COX10: variants seen among roughly 807,000 people sequenced by gnomAD.
COX10 encodes the protein protoheme IX farnesyltransferase, mitochondrial.
COX10 carries 27 observed loss-of-function variants against 37.3 expected under a neutral mutation model. The ratio of observed to expected loss-of-function variants is 0.72; its 90% confidence interval spans 0.53 to 1.00. The LOEUF is 1.00. COX10 is among the 50% of genes least tolerant of loss of function. COX10 has a pLI of 0.00. For missense variants in COX10, 475 were observed against 563.2 expected (o/e 0.84, Z 1.59); for synonymous variants, 222 against 229.1 (o/e 0.97, Z 0.28).
Position 14,207,390 on chromosome 17 carries a change from A to C in COX10, c.*177A>C. 2 of 800,856 alleles carry C rather than the reference A, an allele frequency of 2.5e-6. No individual in the cohort carries two copies. The highest frequency in any genetic ancestry group is 2.7e-5 in the East Asian group (1 of 36,576). 49.6% of individuals were successfully genotyped at this position (800,856 alleles called of 1,614,324 possible). The stretch of plus-strand genomic sequence containing the variant: ...TAAATATTACCCAAAATGCTCCCCA[A>C]ATAAGAAATGCATCAGCTCAGTCAG... On this transcript the variant is annotated 3_prime_UTR_variant, in exon 7 of 7. Transcript: ENST00000261643.
At chr17:14,109,746 T>TGGTA (rs1276285649) in intron 4 of COX10, among the ~76,000 whole-genome samples, 1 of 152,148 alleles carries the variant, frequency 6.6e-6, no homozygotes, top group Non-Finnish European at 1.5e-5. Flanking sequence ...CCAGGTTAAC[T>TGGTA]GCTGACATCC....
intron 5 of COX10, among the ~76,000 whole-genome samples, chr17:14,183,026 CAA>C (rs1905913691): frequency 6.6e-6 from 1 of 151,222 alleles, no homozygotes; most frequent in African/African-American, 2.4e-5. Context: ...GTAAACAAAA[CAA>C]TGTTATATTT....
intron 4 of COX10, among the ~76,000 whole-genome samples, chr17:14,148,444 C>T (rs1904795065): frequency 6.6e-6 from 1 of 152,054 alleles, no homozygotes; most frequent in African/African-American, 2.4e-5. Context: ...TTTTAACATC[C>T]CTTTTAACTT....
At chr17:14,142,109 T>C (rs1296528070) in intron 4 of COX10, among the ~76,000 whole-genome samples, 2 of 152,188 alleles carry the variant, frequency 1.3e-5, no homozygotes, top group Admixed American at 1.3e-4. Context: ...AGCGCCTCTT[T>C]ATTAGAAAAC....
intron 3 of COX10, among the ~76,000 whole-genome samples, chr17:14,094,544 C>T (rs1321769233): frequency 1.4e-5 from 2 of 144,052 alleles, no homozygotes; most frequent in Non-Finnish European, 3.1e-5. Context: ...AAGTGCTTTG[C>T]AAATGTAAGT....
At chr17:14,078,343 T>C (rs189045043) in intron 3 of COX10, among the ~76,000 whole-genome samples, 53 of 152,298 alleles carry the variant, frequency 3.5e-4, no homozygotes, top group African/African-American at 1.3e-3. Flanking sequence ...ATGTGGCCTC[T>C]GTCAACAGCA....
At chr17:14,092,194 A>G (rs770905692) in intron 3 of COX10, among the ~76,000 whole-genome samples, 1 of 152,126 alleles carries the variant, frequency 6.6e-6, no homozygotes, top group Non-Finnish European at 1.5e-5. Context: ...GCTTTTATTT[A>G]TGTATTTATC....
intron 6 of COX10, among the ~76,000 whole-genome samples, chr17:14,192,794 A>G (rs1287847042): frequency 2.0e-5 from 3 of 152,128 alleles, no homozygotes; most frequent in Non-Finnish European, 4.4e-5. Flanking sequence ...AAAATAGCTC[A>G]TTTTTACCAT....
At chr17:14,174,486 G>T (rs1195452297) in intron 5 of COX10, among the ~76,000 whole-genome samples, 1 of 145,460 alleles carries the variant, frequency 6.9e-6, no homozygotes, top group African/African-American at 2.5e-5. Flanking sequence ...GTGCGTGAAA[G>T]ATTTAAATAG....
chr17:14,086,055 T>C (rs1915402536), intron 3 of COX10, among the ~76,000 whole-genome samples: 1 of 152,208 alleles, frequency 6.6e-6, no homozygotes, highest in South Asian at 2.1e-4. Flanking sequence ...TTATTGTTTG[T>C]AAGGATTCTT....
chr17:14,092,790 T>G (rs1267277311), intron 3 of COX10, among the ~76,000 whole-genome samples: 1 of 152,150 alleles, frequency 6.6e-6, no homozygotes, highest in African/African-American at 2.4e-5. Context: ...TAGTAAAAAG[T>G]ACACTCTCAT....
At chr17:14,176,989 A>G (rs1292246158) in intron 5 of COX10, 3 of 353,428 alleles carry the variant, frequency 8.5e-6, no homozygotes, top group African/African-American at 2.1e-5. Context: ...CAAAGGGGAA[A>G]ATGTTTATAG....
chr17:14,159,828 G>T (rs762128926), intron 4 of COX10, 49 bp from the exon 5 acceptor site: 17 of 1,418,586 alleles, frequency 1.2e-5, no homozygotes, highest in Admixed American at 5.4e-5. Flanking sequence ...CGGAAGAAAA[G>T]AATTGTTTTA....
rs1056781396 is a variant in COX10, at chr17:14,206,759, C to T, written c.929-51C>T. 5.6e-6 allele frequency: 9 copies of T among 1,609,266 alleles called. No homozygotes were observed. The Admixed American group carries it at 1.3e-4, about 24-fold the overall frequency. On this transcript the variant is annotated intron_variant, in intron 6 of 6. Transcript: ENST00000261643. ...GGAGAGGAAACCATTCTTTGGAAATCTCTGGTGATGACTGCCTTTGTCTCC... is the reference window on the plus strand; with the variant it reads ...GGAGAGGAAACCATTCTTTGGAAATTTCTGGTGATGACTGCCTTTGTCTCC...
At chr17:14,074,889 G>A (rs1343547401) in intron 2 of COX10, among the ~76,000 whole-genome samples, 1 of 152,164 alleles carries the variant, frequency 6.6e-6, no homozygotes, top group Non-Finnish European at 1.5e-5. Flanking sequence ...GCACTTCTGA[G>A]TAAATTCAAA....
At chr17:14,132,015 C>T (rs923763179) in intron 4 of COX10, among the ~76,000 whole-genome samples, 1 of 151,906 alleles carries the variant, frequency 6.6e-6, no homozygotes, top group Admixed American at 6.6e-5. Context: ...TCATATATAT[C>T]TTCCTTTAAA....
At chr17:14,143,349 G>A (rs1034170894) in intron 4 of COX10, among the ~76,000 whole-genome samples, 2 of 151,896 alleles carry the variant, frequency 1.3e-5, no homozygotes, top group Non-Finnish European at 2.9e-5. Context: ...TTATGTATTT[G>A]CTTGAAAACA....
intron 1 of COX10, 109 bp from the exon 2 acceptor site, chr17:14,074,214 A>G (rs1380127259): frequency 4.4e-6 from 5 of 1,135,042 alleles, no homozygotes; most frequent in Non-Finnish European, 6.6e-6. Flanking sequence ...CCCATCACAC[A>G]GTGTAGCGCT....
At chr17:14,140,167 A>G (rs941605976) in intron 4 of COX10, among the ~76,000 whole-genome samples, 1 of 152,310 alleles carries the variant, frequency 6.6e-6, no homozygotes, top group East Asian at 1.9e-4. Flanking sequence ...AATCTTTTTG[A>G]AAGCATGTAG....
Sources: gnomAD v4.1 joint callset for allele counts (sites outside exome capture counted in the v4.1 genomes callset) on GRCh38, gnomAD v4.1.1 for gene constraint, MANE v1.5 for transcripts, NCBI Gene and HGNC (gene_info 2026-07-23, HGNC 2026-07-21) for gene names.